The following FBXL2 variants were observed in gnomAD, a reference collection of about 807,000 sequenced individuals.
The protein encoded by FBXL2 is F-box/LRR-repeat protein 2.
A neutral mutation model predicts 69.2 loss-of-function variants in FBXL2; 38 were observed. That is an observed-to-expected ratio of 0.55 (90% confidence interval 0.42 to 0.72). FBXL2 has a LOEUF of 0.72. Ranked by LOEUF, FBXL2 falls within the 30% of genes least tolerant of loss-of-function variation. The pLI, the probability that FBXL2 is intolerant of heterozygous loss-of-function variation, is 0.00. For missense variants in FBXL2, 354 were observed against 520.3 expected (o/e 0.68, Z 3.11); for synonymous variants, 192 against 201.3 (o/e 0.95, Z 0.39).
chr3:33,285,287 C>T (rs188924202), intron 1 of FBXL2, among the ~76,000 whole-genome samples: 3 of 152,242 alleles, frequency 2.0e-5, no homozygotes, highest in South Asian at 2.1e-4. Flanking sequence ...TTTTATTTCT[C>T]CTTCACTTCT....
chr3:33,415,326 G>A, the FBXL2 span, among the ~76,000 whole-genome samples: 2 of 152,198 alleles, frequency 1.3e-5, no homozygotes, highest in African/African-American at 4.8e-5. Context: ...TGGTCTGGAT[G>A]TCAAAGTTTG....
intron 1 of FBXL2, among the ~76,000 whole-genome samples, chr3:33,287,000 C>T (rs1471772966): frequency 6.6e-6 from 1 of 152,136 alleles, no homozygotes. Context: ...TGAGGCAATG[C>T]CCCACCCTGC....
chr3:33,412,616 A>G, the FBXL2 span: 2 of 774,052 alleles, frequency 2.6e-6, no homozygotes, highest in Non-Finnish European at 4.3e-6. Flanking sequence ...ATCCACAAAC[A>G]CCAAAACTTT....
chr3:33,364,015 T>G lies in FBXL2; in HGVS notation c.196-610T>G, dbSNP rs2041797166. ...AAAAGTGATTTGAAATAGAAAACATTTTTTAAAAAGTGGAGGTGCTTAATC... is the reference window on the plus strand; with the variant it reads ...AAAAGTGATTTGAAATAGAAAACATGTTTTAAAAAGTGGAGGTGCTTAATC... On this transcript the variant is annotated intron_variant, in intron 4 of 14. Coordinates refer to ENST00000484457, the MANE Select transcript of FBXL2 (RefSeq NM_012157.5). Among the ~76,000 whole-genome samples, 3 of 152,140 alleles carry G rather than the reference T, an allele frequency of 2.0e-5. No individual in the cohort carries two copies. The South Asian group carries it at 6.2e-4, about 32-fold the overall frequency.
chr3:33,335,923 T>G (rs1350665117), intron 2 of FBXL2, among the ~76,000 whole-genome samples: 1 of 152,172 alleles, frequency 6.6e-6, no homozygotes, highest in Non-Finnish European at 1.5e-5. Flanking sequence ...AAATATAACT[T>G]TGTTAGATTT....
chr3:33,277,176 CGT>C (rs1575563728), upstream of FBXL2: 11 of 260,448 alleles, frequency 4.2e-5, no homozygotes, highest in East Asian at 4.4e-4. Flanking sequence ...ACCTGTATAA[CGT>C]TTTTTTTAAA....
chr3:33,297,840 C>A, intron 2 of FBXL2, 115 bp downstream of exon 2: 1 of 730,540 alleles, frequency 1.4e-6, no homozygotes, highest in South Asian at 1.6e-5. Flanking sequence ...CAGAATTAGC[C>A]TAACTGACTT....
chr3:33,413,430 C>A, the FBXL2 span, among the ~76,000 whole-genome samples: 1 of 151,580 alleles, frequency 6.6e-6, no homozygotes, highest in African/African-American at 2.4e-5. Flanking sequence ...GCCTGTAGTA[C>A]CAGCTACTTG....
At chr3:33,332,191 C>T (rs1431999621) in intron 2 of FBXL2, among the ~76,000 whole-genome samples, 2 of 152,190 alleles carry the variant, frequency 1.3e-5, no homozygotes, top group South Asian at 2.1e-4. Context: ...CCAAAAGGGT[C>T]GGCAATTAAA....
intron 2 of FBXL2, among the ~76,000 whole-genome samples, chr3:33,347,872 T>TCCAA (rs2040560708): frequency 6.6e-6 from 1 of 151,506 alleles, no homozygotes; most frequent in Non-Finnish European, 1.5e-5. Flanking sequence ...GATTGTTAGA[T>TCCAA]TTTTTTTTCC....
intron 9 of FBXL2, among the ~76,000 whole-genome samples, chr3:33,374,974 G>GA (rs1361127383): frequency 1.3e-5 from 2 of 151,948 alleles, no homozygotes; most frequent in East Asian, 1.9e-4. Flanking sequence ...TAAATTTTAT[G>GA]AAAAAATCTA....
chr3:33,407,430 G>A (rs770234460), downstream of FBXL2, among the ~76,000 whole-genome samples: 3 of 151,764 alleles, frequency 2.0e-5, no homozygotes, highest in Non-Finnish European at 4.4e-5. Context: ...AGTTTACTAA[G>A]AACCATTGGT....
chr3:33,345,489 C>T (rs1251350083), intron 2 of FBXL2, among the ~76,000 whole-genome samples: 1 of 152,016 alleles, frequency 6.6e-6, no homozygotes, highest in Non-Finnish European at 1.5e-5. Flanking sequence ...ATATACAGAC[C>T]AGACTTTCTT....
the FBXL2 span, among the ~76,000 whole-genome samples, chr3:33,416,273 G>T: frequency 2.6e-5 from 4 of 152,298 alleles, no homozygotes; most frequent in South Asian, 8.3e-4. Context: ...GGGCCAGGGG[G>T]CAGGGATGGT....
chr3:33,301,990 T>C (rs543024641), intron 2 of FBXL2, among the ~76,000 whole-genome samples: 36 of 152,304 alleles, frequency 2.4e-4, no homozygotes, highest in African/African-American at 8.2e-4. Context: ...TCTTACCTTA[T>C]GGGGTTGTTG....
intron 4 of FBXL2, among the ~76,000 whole-genome samples, chr3:33,360,435 G>A (rs1192213490): frequency 6.6e-6 from 1 of 152,132 alleles, no homozygotes; most frequent in African/African-American, 2.4e-5. Context: ...AGTAAGTGGG[G>A]CAGAGCAGAA....
chr3:33,364,820 T>G (rs2041848589), intron 5 of FBXL2, 101 bp downstream of exon 5: 1 of 1,078,316 alleles, frequency 9.3e-7, no homozygotes, highest in Admixed American at 1.8e-5. Flanking sequence ...TTAAAATTCT[T>G]TCTGTGGTAA....
At chr3:33,337,762 C>T (rs750935355) in intron 2 of FBXL2, among the ~76,000 whole-genome samples, 5 of 152,130 alleles carry the variant, frequency 3.3e-5, no homozygotes, top group African/African-American at 7.2e-5. Flanking sequence ...ACAACTTCAG[C>T]GAAGTTTCAG....
the FBXL2 span, among the ~76,000 whole-genome samples, chr3:33,420,823 A>G: frequency 6.6e-6 from 1 of 152,100 alleles, no homozygotes; most frequent in Non-Finnish European, 1.5e-5. Context: ...GGGTTTCACC[A>G]TGTTGGCCAG....
Sources: allele counts gnomAD v4.1 joint callset (sites outside exome capture counted in the v4.1 genomes callset), GRCh38; gene constraint gnomAD v4.1.1; transcripts MANE v1.5; gene names NCBI Gene and HGNC (gene_info 2026-07-23, HGNC 2026-07-21).